The following NBDY variants were observed in gnomAD, a reference collection of about 807,000 sequenced individuals.
The protein encoded by NBDY is P-body dissociating protein.
At chrX:56,753,885 G>T (rs1159862030) in intron 2 of NBDY, among the ~76,000 whole-genome samples, 1 of 111,429 alleles carries the variant, frequency 9.0e-6, no homozygotes, top group African/African-American at 3.3e-5. Context: ...ACAGAAAAAA[G>T]ATTGTAGTGG....
rs2069462347 is a variant in NBDY, at chrX:56,732,129, A to C, written c.*96A>C. Reference sequence around the variant, plus strand: ...TCATATAATAGTTCACCTGGTGAAAACAATGAAGATTATTTACAATGCTAC... The same window carrying C: ...TCATATAATAGTTCACCTGGTGAAACCAATGAAGATTATTTACAATGCTAC... On this transcript the variant is annotated 3_prime_UTR_variant, in exon 2 of 3. Coordinates refer to ENST00000374922, the MANE Select transcript of NBDY (RefSeq NM_001348129.2). 1 of 295,224 alleles carries C rather than the reference A, an allele frequency of 3.4e-6. No homozygotes were observed. Among genetic ancestry groups the C allele is most frequent in the African/African-American group, 2.8e-5 (1 of 36,357 alleles). The allele number at this position is 295,224 out of a possible 1,213,427, so 24.3% of individuals were successfully genotyped here.
intron 2 of NBDY, among the ~76,000 whole-genome samples, chrX:56,755,813 A>G (rs2069607675): frequency 9.2e-6 from 1 of 108,402 alleles, no homozygotes; most frequent in Admixed American, 9.9e-5. Flanking sequence ...AGGACTATAA[A>G]TCATGCCGCT....
chrX:56,754,136 G>A (rs1234082175), intron 2 of NBDY, among the ~76,000 whole-genome samples: 1 of 111,568 alleles, frequency 9.0e-6, no homozygotes, highest in African/African-American at 3.3e-5. Flanking sequence ...TGAATAGTTC[G>A]AAGGAAGTGA....
chrX:56,733,558 G>A (rs773437510), intron 2 of NBDY, among the ~76,000 whole-genome samples: 42 of 111,558 alleles, frequency 3.8e-4, no homozygotes, highest in African/African-American at 1.3e-3. Context: ...GAAAAATGAA[G>A]GAGGGGAGGG....
rs773792093 is a variant in NBDY, at chrX:56,813,855, C to T, written c.*167-3465C>T. Among the ~76,000 whole-genome samples, 4 of 111,707 alleles carry T rather than the reference C, an allele frequency of 3.6e-5. No individual in the cohort carries two copies. The South Asian group carries it at 1.5e-3, about 42-fold the overall frequency. On this transcript the variant is annotated intron_variant, in intron 2 of 2. Coordinates refer to ENST00000374922, the MANE Select transcript of NBDY (RefSeq NM_001348129.2). Reference sequence around the variant, plus strand: ...TAAAAACTTACACTCGGAAAGGATCCCATCATCACAAAGCTTCTTGGTTGT... The same window carrying T: ...TAAAAACTTACACTCGGAAAGGATCTCATCATCACAAAGCTTCTTGGTTGT...
intron 2 of NBDY, among the ~76,000 whole-genome samples, chrX:56,781,063 G>A (rs1210977206): frequency 2.7e-5 from 3 of 111,218 alleles, no homozygotes; most frequent in Non-Finnish European, 5.7e-5. Flanking sequence ...TGGGACATCG[G>A]GTGAAGTAAG....
Position 56,741,541 on chromosome X carries a change from G to T in NBDY, c.*166+9342G>T, listed in dbSNP as rs567616909. 1.2e-4 allele frequency among the ~76,000 whole-genome samples: 13 copies of T among 111,685 alleles called. No homozygotes were observed. The South Asian group carries it at 2.6e-3, about 23-fold the overall frequency. ...CACTTGGATATAAGCCATTTTAATT[G>T]AAGTGAGATAATATCCCATTGTAGT... On this transcript the variant is annotated intron_variant, in intron 2 of 2. Coordinates refer to ENST00000374922, the MANE Select transcript of NBDY (RefSeq NM_001348129.2).
intron 2 of NBDY, among the ~76,000 whole-genome samples, chrX:56,732,744 A>G (rs2069465915): frequency 9.0e-6 from 1 of 111,524 alleles, no homozygotes; most frequent in African/African-American, 3.3e-5. Flanking sequence ...TTCTCAAGTT[A>G]AGGAACTTTC....
At chrX:56,744,186 T>C (rs903221597) in intron 2 of NBDY, among the ~76,000 whole-genome samples, 1 of 111,855 alleles carries the variant, frequency 8.9e-6, no homozygotes, top group Non-Finnish European at 1.9e-5. Flanking sequence ...CTTCATATTA[T>C]TTCAATTTTT....
chrX:56,731,709 A>G (rs2069460133), intron 1 of NBDY, among the ~76,000 whole-genome samples: 1 of 112,277 alleles, frequency 8.9e-6, no homozygotes, highest in Non-Finnish European at 1.9e-5. Context: ...AATAGCCAAT[A>G]TTTACTGAAG....
chrX:56,729,668 C>T (rs1602645380), intron 1 of NBDY, 79 bp downstream of exon 1: 1 of 294,054 alleles, frequency 3.4e-6, no homozygotes, highest in East Asian at 4.8e-5. Context: ...TTCCCCTTTT[C>T]CCTGTTCTTT....
intron 2 of NBDY, among the ~76,000 whole-genome samples, chrX:56,762,390 A>G (rs937281395): frequency 9.3e-6 from 1 of 107,863 alleles, no homozygotes; most frequent in African/African-American, 3.4e-5. Flanking sequence ...TGGCGAGACA[A>G]ATGTTCTATG....
chrX:56,759,905 A>C (rs764959157), intron 2 of NBDY, among the ~76,000 whole-genome samples: 5 of 112,165 alleles, frequency 4.5e-5, no homozygotes, highest in African/African-American at 9.7e-5. Flanking sequence ...CCCAGGGAGA[A>C]TAAGAACCCC....
At chrX:56,806,019 G>A (rs2069847792) in intron 2 of NBDY, among the ~76,000 whole-genome samples, 1 of 110,149 alleles carries the variant, frequency 9.1e-6, no homozygotes, top group Non-Finnish European at 1.9e-5. Flanking sequence ...CCCTCCCTGT[G>A]TCCATGTGTT....
At chrX:56,799,120 G>T (rs1182202508) in intron 2 of NBDY, among the ~76,000 whole-genome samples, 1 of 112,159 alleles carries the variant, frequency 8.9e-6, no homozygotes, top group African/African-American at 3.2e-5. Flanking sequence ...CTGGCCCATG[G>T]TCTATGCTCA....
intron 2 of NBDY, among the ~76,000 whole-genome samples, chrX:56,752,065 T>G (rs1345139525): frequency 8.9e-6 from 1 of 112,422 alleles, no homozygotes; most frequent in Non-Finnish European, 1.9e-5. Context: ...TAGTATTCCA[T>G]GGTGTACATG....
chrX:56,808,684 T>G (rs2069868099), intron 2 of NBDY, among the ~76,000 whole-genome samples: 1 of 112,132 alleles, frequency 8.9e-6, no homozygotes, highest in African/African-American at 3.2e-5. Context: ...GGTCTATCTA[T>G]TTTGTTGATC....
Position 56,732,174 on chromosome X carries a change from T to C in NBDY, c.*141T>C. ...TGCTACCCTGCTTTTTCTGGTGTCC[T>C]GAACCTGGAAGTTGTGCTTTTTAAG... On this transcript the variant is annotated 3_prime_UTR_variant, in exon 2 of 3. Coordinates refer to ENST00000374922, the MANE Select transcript of NBDY (RefSeq NM_001348129.2). 1 of 296,845 alleles carries C rather than the reference T, an allele frequency of 3.4e-6. No individual in the cohort carries two copies. The highest frequency in any genetic ancestry group is 4.8e-5 in the East Asian group (1 of 20,977). The allele number at this position is 296,845 out of a possible 1,213,427, so 24.5% of individuals were successfully genotyped here. A position where few individuals can be genotyped will look rare whatever the true frequency, so the allele number is the denominator to read the frequency against.
intron 2 of NBDY, among the ~76,000 whole-genome samples, chrX:56,791,389 T>C (rs1418833072): frequency 1.8e-5 from 2 of 112,039 alleles, no homozygotes; most frequent in Non-Finnish European, 3.8e-5. Context: ...TTTTCCCTGG[T>C]GTCCGATTCA....
Sources: gnomAD v4.1 joint callset for allele counts (sites outside exome capture counted in the v4.1 genomes callset) on GRCh38, gnomAD v4.1.1 for gene constraint, MANE v1.5 for transcripts, NCBI Gene and HGNC (gene_info 2026-07-23, HGNC 2026-07-21) for gene names.